CEP295: variants seen among roughly 807,000 people sequenced by gnomAD.
CEP295 encodes the protein centrosomal protein of 295 kDa.
In CEP295, 190 loss-of-function variants were observed where a neutral mutation model predicts 291.6. The ratio of observed to expected loss-of-function variants is 0.65; its 90% confidence interval spans 0.58 to 0.73. The LOEUF (loss-of-function observed/expected upper bound fraction) is 0.73. Among genes scored for constraint, CEP295 ranks in the 30% least tolerant of loss-of-function variants. The pLI is 0.00. For missense variants in CEP295, 2,863 were observed against 2,949.4 expected, an observed-to-expected ratio of 0.97 and a Z score of 0.68; for synonymous variants, 993 against 1,038.8, an observed-to-expected ratio of 0.96 and a Z score of 0.85.
chr11:93,711,426 A>G (rs1475684080), intron 18 of CEP295, among the ~76,000 whole-genome samples: 1 of 152,116 alleles, frequency 6.6e-6, no homozygotes, highest in East Asian at 1.9e-4. Flanking sequence ...TTATCTTGTT[A>G]CTGATTTCTA....
chr11:93,726,291 C>T (rs780209013), intron 23 of CEP295, among the ~76,000 whole-genome samples: 15 of 152,204 alleles, frequency 9.9e-5, no homozygotes, highest in Non-Finnish European at 4.4e-5. Context: ...TGTGCCACCA[C>T]ACCCAGCTAA....
rs1176057055 is a variant in CEP295 at position 93,698,092 on chromosome 11, C to T, written c.3180C>T (p.Leu1060=). 2 of 1,551,934 alleles carry T rather than the reference C, an allele frequency of 1.3e-6. No individual in the cohort carries two copies. Among genetic ancestry groups the T allele is most frequent in the African/African-American group, 2.7e-5 (2 of 73,014 alleles). ...FLPLHDSLKL[L]QEQLTKQRDT... ...CTCTACATGATAGTTTGAAGTTGCTCCAAGAACAGTTGACTAAACAGAGGG... is the reference window on the plus strand; with the variant it reads ...CTCTACATGATAGTTTGAAGTTGCTTCAAGAACAGTTGACTAAACAGAGGG... The change falls in exon 15 of 30, where the codon CTC becomes CTT. Residue 1060 remains leucine, a synonymous_variant. Transcript: ENST00000325212.
intron 1 of CEP295, among the ~76,000 whole-genome samples, chr11:93,665,132 T>G (rs1185915416): frequency 1.3e-5 from 2 of 152,178 alleles, no homozygotes; most frequent in Admixed American, 1.3e-4. Flanking sequence ...AAGATGTAAA[T>G]ATTCAGTAAC....
At chr11:93,663,279 C>A (rs1440089919) in intron 1 of CEP295, among the ~76,000 whole-genome samples, 1 of 152,176 alleles carries the variant, frequency 6.6e-6, no homozygotes, top group Non-Finnish European at 1.5e-5. Context: ...TAAGAGGGGT[C>A]TACCCATTGT....
At chr11:93,723,586 A>G (rs1333083171) in intron 21 of CEP295, 1 of 230,032 alleles carries the variant, frequency 4.3e-6, no homozygotes, top group Non-Finnish European at 8.6e-6. Flanking sequence ...CTCAGAAATC[A>G]TACAGTTCTG....
In CEP295 at chr11:93,724,333, A is replaced by G. The variant is rs1953980499; in HGVS notation, c.6276A>G (p.Ser2092=). The G allele has an allele frequency of 6.4e-7, 1 of 1,550,484 alleles. No individual in the cohort carries two copies. Among genetic ancestry groups the G allele is most frequent in the Admixed American group, 2.0e-5 (1 of 50,996 alleles). ...LEPHPDFDLS[S]SSSGISPDNR... is the part of the protein sequence containing the mutation. ...CACATCCAGATTTTGACTTATCATCATCATCCTCTGGGATTTCTCCAGACA... is the reference window on the plus strand; with the variant it reads ...CACATCCAGATTTTGACTTATCATCGTCATCCTCTGGGATTTCTCCAGACA... The change falls in exon 22 of 30, where the codon TCA becomes TCG. Residue 2092 remains serine, a synonymous_variant. Coordinates refer to ENST00000325212, the MANE Select transcript of CEP295 (RefSeq NM_033395.2).
chr11:93,718,806 T>C (rs1462301908), intron 18 of CEP295, among the ~76,000 whole-genome samples: 1 of 151,956 alleles, frequency 6.6e-6, no homozygotes, highest in Admixed American at 6.6e-5. Context: ...CCAAAAAATA[T>C]ATTGTATTTA....
Position 93,699,014 on chromosome 11 carries a change from G to C in CEP295, c.4102G>C (p.Ala1368Pro). ...LATQREAIIL[A>P]RQEAREELLL... ...TACACAGAGAGAAGCCATCATTCTA[G>C]CTAGACAAGAAGCTCGGGAAGAATT... Residue 1368 changes from alanine to proline, a missense_variant, in exon 15 of 30, where the codon GCT (alanine) becomes CCT (proline). Around this residue, in one of 3 missense-constraint regions of CEP295, gnomAD observed 2,295 missense variants for 2,335.7 expected, o/e 0.98. Transcript: ENST00000325212. The C allele has an allele frequency of 6.5e-7, 1 of 1,548,016 alleles. No individual in the cohort carries two copies. The highest frequency in any genetic ancestry group is 1.2e-5 in the South Asian group (1 of 84,052).
chr11:93,709,110 T>C (rs1485141808), intron 18 of CEP295, among the ~76,000 whole-genome samples: 1 of 152,210 alleles, frequency 6.6e-6, no homozygotes, highest in Non-Finnish European at 1.5e-5. Context: ...CTTCACTTTA[T>C]TGATTGTTTC....
intron 27 of CEP295, 44 bp downstream of exon 27, chr11:93,729,825 T>G: frequency 6.5e-7 from 1 of 1,539,594 alleles, no homozygotes; most frequent in African/African-American, 1.4e-5. Flanking sequence ...CCTGAAATGT[T>G]TAAAGCCTTG....
Position 93,728,836 on chromosome 11 carries a change from T to C in CEP295, c.7302+15T>C. The C allele has an allele frequency of 2.0e-6, 3 of 1,530,896 alleles. No homozygotes were observed. Among genetic ancestry groups the C allele is most frequent in the Non-Finnish European group, 2.6e-6 (3 of 1,140,692 alleles). 94.8% of individuals were successfully genotyped at this position (1,530,896 alleles called of 1,614,324 possible). A position where few individuals can be genotyped will look rare whatever the true frequency, so the allele number is the denominator to read the frequency against. ...GCTTCTTTCAGGTAAATTTAAGCTT[T>C]CCTTCTATTTTATTCTATTACAAGC... is the stretch of plus-strand genomic sequence containing the variant. On this transcript the variant is annotated intron_variant, in intron 25 of 29. Transcript: ENST00000325212.
intron 18 of CEP295, among the ~76,000 whole-genome samples, chr11:93,719,255 T>C (rs1000071930): frequency 6.6e-6 from 1 of 151,428 alleles, no homozygotes; most frequent in Non-Finnish European, 1.5e-5. Flanking sequence ...GGTTTTTTTT[T>C]TTTTTCCTGT....
chr11:93,692,572 C>G (rs1172565013), intron 12 of CEP295, among the ~76,000 whole-genome samples: 1 of 152,170 alleles, frequency 6.6e-6, no homozygotes, highest in African/African-American at 2.4e-5. Context: ...ATCCTCTGAC[C>G]TCAGCTTCCT....
rs1315473464 is a variant in CEP295 at position 93,679,479 on chromosome 11, A to T, written c.692A>T (p.Gln231Leu). The change falls in exon 7 of 30, where the codon CAA (glutamine) becomes CTA (leucine). Residue 231 changes from glutamine (Q) to leucine (L), a missense_variant. Gln to Leu is a moderately radical substitution (Grantham distance 113, BLOSUM62 -2). Transcript: ENST00000325212. ...GAAGAACTACAAAAACAGGCAGCAC[A>T]AGAGAGAATGGAACGGTTTGAAAAG... Reference protein sequence around the residue: ...RLEELQKQAAQERMERFEKAH... With the variant: ...RLEELQKQAALERMERFEKAH... 1 of 1,551,682 alleles carries T rather than the reference A, an allele frequency of 6.4e-7. No individual in the cohort carries two copies.
intron 17 of CEP295, 126 bp from the exon 18 acceptor site, chr11:93,706,619 A>G: frequency 1.5e-6 from 1 of 681,556 alleles, no homozygotes; most frequent in Admixed American, 3.7e-5. Context: ...GTGAAAGGTA[A>G]GGAATTATTG....
chr11:93,677,411 C>A (rs1375225295), intron 6 of CEP295, among the ~76,000 whole-genome samples: 2 of 151,966 alleles, frequency 1.3e-5, no homozygotes, highest in East Asian at 3.8e-4. Context: ...TAAAGTAATT[C>A]CAAAATCTTT....
chr11:93,684,619 A>T (rs938326775), intron 9 of CEP295, among the ~76,000 whole-genome samples: 5 of 152,176 alleles, frequency 3.3e-5, no homozygotes, highest in Middle Eastern at 3.2e-3. Flanking sequence ...GGTTGAATGA[A>T]AGTTGTCAGG....
intron 8 of CEP295, 68 bp from the exon 9 acceptor site, chr11:93,683,896 C>A: frequency 6.7e-7 from 1 of 1,499,552 alleles, no homozygotes; most frequent in Non-Finnish European, 8.9e-7. Flanking sequence ...GTGGCCTTTG[C>A]ATTTTTGTGA....
At chr11:93,729,278 T>A (rs1348817138) in intron 25 of CEP295, 156 bp from the exon 26 acceptor site, 3 of 629,004 alleles carry the variant, frequency 4.8e-6, no homozygotes, top group African/African-American at 1.8e-5. Context: ...CTACAAAAAA[T>A]ACAAAAATCA....
Sources: gnomAD v4.1 joint callset for allele counts (sites outside exome capture counted in the v4.1 genomes callset) on GRCh38, gnomAD v4.1.1 for gene constraint, gnomAD v4.1.1 regional missense constraint, MANE v1.5 for transcripts, NCBI Gene and HGNC (gene_info 2026-07-23, HGNC 2026-07-21) for gene names.